Variants in UTRN observed in about 807,000 individuals in gnomAD.
The protein encoded by UTRN is utrophin.
Under a neutral mutation model 463.9 loss-of-function variants are expected in UTRN, and 283 were observed. That is an observed-to-expected ratio of 0.61 (90% CI 0.55 to 0.67). UTRN has a LOEUF of 0.67. Among genes scored for constraint, UTRN ranks in the 30% least tolerant of loss-of-function variants. The probability of loss-of-function intolerance (pLI) is 0.00; values close to 1 mark genes in which losing one functional copy is unlikely to be tolerated. For synonymous variants in UTRN, 1,442 were observed against 1,431.5 expected, an observed-to-expected ratio of 1.01 and a Z score of -0.17; for missense variants, 3,922 against 4,084.3, an observed-to-expected ratio of 0.96 and a Z score of 1.08.
At chr6:144,402,649 G>A (rs1206665007) in intron 2 of UTRN, among the ~76,000 whole-genome samples, 1 of 152,146 alleles carries the variant, frequency 6.6e-6, no homozygotes, top group African/African-American at 2.4e-5. Context: ...ACCTTATACT[G>A]TCATTCTAGA....
chr6:144,696,464 G>T (rs1016862280), intron 52 of UTRN, among the ~76,000 whole-genome samples: 2 of 152,142 alleles, frequency 1.3e-5, no homozygotes, highest in Non-Finnish European at 2.9e-5. Flanking sequence ...GATGTCTACT[G>T]TATTGGAATC....
intron 58 of UTRN, among the ~76,000 whole-genome samples, chr6:144,768,997 T>C (rs112241703): frequency 0.014 from 2,061 of 150,214 alleles, 57 homozygotes; most frequent in African/African-American, 0.048. Flanking sequence ...TAGATTCCCA[T>C]GGCTGTTGCC....
chr6:144,616,997 C>T (rs185277726), intron 51 of UTRN, among the ~76,000 whole-genome samples: 1 of 152,238 alleles, frequency 6.6e-6, no homozygotes, highest in East Asian at 1.9e-4. Flanking sequence ...TGAATAAAGT[C>T]CCATGAATTC....
At position 144,296,507 on chromosome 6, in the gene UTRN, G is replaced by A. The variant is rs1477432713; in HGVS notation, c.79+4600G>A. 2.0e-5 allele frequency among the ~76,000 whole-genome samples: 3 copies of A among 152,272 alleles called. No individual in the cohort carries two copies. The South Asian group carries it at 6.2e-4, about 32-fold the overall frequency. The stretch of plus-strand genomic sequence containing the variant: ...GGGACCAATACATCCCTGGTACTGA[G>A]CCCAATGCCTGGCTCATAATAGGTG... On this transcript the variant is annotated intron_variant, in intron 2 of 74. Transcript: ENST00000367545.
intron 65 of UTRN, among the ~76,000 whole-genome samples, chr6:144,819,632 G>C (rs1779385863): frequency 6.6e-6 from 1 of 152,258 alleles, no homozygotes; most frequent in East Asian, 1.9e-4. Context: ...GGCAGAGGTT[G>C]CAGTGAGCTG....
At chr6:144,732,619 G>A (rs1788823781) in intron 54 of UTRN, among the ~76,000 whole-genome samples, 2 of 151,208 alleles carry the variant, frequency 1.3e-5, no homozygotes, top group African/African-American at 4.9e-5. Flanking sequence ...AAAAAATCTT[G>A]GCCTCCAGCA....
intron 18 of UTRN, among the ~76,000 whole-genome samples, chr6:144,452,805 G>A (rs774889128): frequency 2.0e-5 from 3 of 151,670 alleles, no homozygotes; most frequent in Middle Eastern, 3.4e-3. Flanking sequence ...TTTGTGGGGC[G>A]TGAGCTTGCA....
intron 41 of UTRN, among the ~76,000 whole-genome samples, chr6:144,530,410 A>G (rs117354579): frequency 1.8e-3 from 270 of 152,276 alleles, no homozygotes; most frequent in Non-Finnish European, 2.9e-3. Flanking sequence ...ATCTCTAAGT[A>G]CAGTCACACT....
In UTRN at chr6:144,447,727, A is replaced by G. The variant is rs1433595246; in HGVS notation, c.1848A>G (p.Glu616=). The G allele has an allele frequency of 1.2e-6, 2 of 1,613,852 alleles. No homozygotes were observed. The highest frequency in any genetic ancestry group is 2.7e-5 in the African/African-American group (2 of 74,924). ...AGAAGATCAACAGTGACTCAGAGGAACTGACTCAAAGATGGGATTCTTTGG... is the reference window on the plus strand; with the variant it reads ...AGAAGATCAACAGTGACTCAGAGGAGCTGACTCAAAGATGGGATTCTTTGG... ...ASKKINSDSE[E]LTQRWDSLVQ... The change falls in exon 16 of 75, where the codon GAA becomes GAG. Residue 616 remains glutamate (E), a synonymous_variant. Transcript: ENST00000367545.
At chr6:144,329,668 A>G (rs1189359789) in intron 2 of UTRN, among the ~76,000 whole-genome samples, 1 of 152,214 alleles carries the variant, frequency 6.6e-6, no homozygotes, top group Non-Finnish European at 1.5e-5. Flanking sequence ...TGCCATCACA[A>G]TGGAAGGAAA....
At chr6:144,481,336 T>C (rs1791836381) in intron 26 of UTRN, among the ~76,000 whole-genome samples, 2 of 152,204 alleles carry the variant, frequency 1.3e-5, no homozygotes, top group Non-Finnish European at 2.9e-5. Context: ...CCTGATAGGT[T>C]GATTTTCCTG....
intron 51 of UTRN, among the ~76,000 whole-genome samples, chr6:144,586,475 T>C (rs1049960075): frequency 6.6e-6 from 1 of 152,184 alleles, no homozygotes; most frequent in Non-Finnish European, 1.5e-5. Flanking sequence ...GCTTAGTTTC[T>C]TTAAAATTTT....
chr6:144,289,758 C>T (rs537660211), intron 1 of UTRN, among the ~76,000 whole-genome samples: 21 of 152,300 alleles, frequency 1.4e-4, no homozygotes, highest in African/African-American at 4.8e-4. Flanking sequence ...AAGTGATTCT[C>T]CTGCCTCAGC....
intron 73 of UTRN, among the ~76,000 whole-genome samples, chr6:144,845,417 T>C (rs1183147338): frequency 6.6e-6 from 1 of 152,210 alleles, no homozygotes; most frequent in Non-Finnish European, 1.5e-5. Context: ...AGGCATATTT[T>C]TACTATGAAT....
intron 50 of UTRN, among the ~76,000 whole-genome samples, chr6:144,573,337 A>T (rs560536424): frequency 2.0e-4 from 31 of 152,022 alleles, no homozygotes; most frequent in Admixed American, 7.9e-4. Flanking sequence ...AGATCACTTG[A>T]AGTTGGGAGT....
At chr6:144,495,245 G>T (rs991013818) in intron 33 of UTRN, among the ~76,000 whole-genome samples, 25 of 152,196 alleles carry the variant, frequency 1.6e-4, no homozygotes, top group Admixed American at 4.6e-4. Context: ...GCCCATGGAG[G>T]GGGTGGGAGG....
chr6:144,726,175 C>T (rs1055949296), intron 53 of UTRN, among the ~76,000 whole-genome samples: 2 of 152,082 alleles, frequency 1.3e-5, no homozygotes, highest in South Asian at 2.1e-4. Flanking sequence ...TGACAATACC[C>T]CCCAACTTGT....
At chr6:144,835,640 G>A in intron 69 of UTRN, 140 bp from the exon 70 acceptor site, 1 of 1,017,030 alleles carries the variant, frequency 9.8e-7, no homozygotes, top group Non-Finnish European at 1.4e-6. Flanking sequence ...AGTTTTAAAA[G>A]GGAGGTCATG....
At chr6:144,478,995 A>T (rs1369596513) in intron 25 of UTRN, among the ~76,000 whole-genome samples, 1 of 152,208 alleles carries the variant, frequency 6.6e-6, no homozygotes, top group Non-Finnish European at 1.5e-5. Flanking sequence ...AAAATTTTAT[A>T]GAGCGGTGTC....
Sources: gnomAD v4.1 joint callset for allele counts (sites outside exome capture counted in the v4.1 genomes callset) on GRCh38, gnomAD v4.1.1 for gene constraint, MANE v1.5 for transcripts, NCBI Gene and HGNC (gene_info 2026-07-23, HGNC 2026-07-21) for gene names.